Variants in PLEKHM3 observed in about 807,000 individuals in gnomAD.
The protein encoded by PLEKHM3 is pleckstrin homology domain-containing family M member 3.
PLEKHM3 carries 45 observed loss-of-function variants against 81.8 expected under a neutral mutation model. The ratio of observed to expected loss-of-function variants is 0.55; its 90% CI spans 0.43 to 0.71. The LOEUF (loss-of-function observed/expected upper bound fraction) is 0.71, where lower values mean the gene tolerates loss of function less well. Ranked by LOEUF, PLEKHM3 falls within the 30% of genes least tolerant of loss-of-function variation. PLEKHM3 has a pLI of 0.00. For missense variants in PLEKHM3, 788 were observed against 924.3 expected, an observed-to-expected ratio of 0.85 and a Z score of 1.91; for synonymous variants, 352 against 356.4, an observed-to-expected ratio of 0.99 and a Z score of 0.14.
chr2:207,848,032 C>T (rs2092393871), intron 7 of PLEKHM3, among the ~76,000 whole-genome samples: 1 of 152,168 alleles, frequency 6.6e-6, no homozygotes, highest in Non-Finnish European at 1.5e-5. Context: ...ATGTGTCAGG[C>T]TGATTAGGGA....
At chr2:207,982,189 T>TTTCC (rs1167996058) in intron 2 of PLEKHM3, among the ~76,000 whole-genome samples, 9 of 151,882 alleles carry the variant, frequency 5.9e-5, no homozygotes, top group African/African-American at 1.9e-4. Flanking sequence ...GATTTATTTA[T>TTTCC]TTCCTTCCTT....
chr2:207,848,719 T>G (rs1411458658), intron 7 of PLEKHM3, among the ~76,000 whole-genome samples: 1 of 152,124 alleles, frequency 6.6e-6, no homozygotes, highest in Admixed American at 6.5e-5. Context: ...CCCCAACAAG[T>G]TTAGGTCCTC....
At chr2:207,982,179 GATTT>G (rs1450834175) in intron 2 of PLEKHM3, among the ~76,000 whole-genome samples, 3 of 151,986 alleles carry the variant, frequency 2.0e-5, no homozygotes, top group South Asian at 2.1e-4. Flanking sequence ...GCCTGTTTGT[GATTT>G]ATTTATTTCC....
intron 3 of PLEKHM3, among the ~76,000 whole-genome samples, chr2:207,971,286 A>AG (rs1357374422): frequency 6.6e-6 from 1 of 152,244 alleles, no homozygotes; most frequent in African/African-American, 2.4e-5. Flanking sequence ...GCAAATAGGT[A>AG]GGTACAAATG....
At chr2:207,862,346 T>C (rs1248291718) in intron 6 of PLEKHM3, among the ~76,000 whole-genome samples, 2 of 152,124 alleles carry the variant, frequency 1.3e-5, no homozygotes, top group Non-Finnish European at 2.9e-5. Context: ...ACAAATAATA[T>C]CTGAGGGAGG....
At chr2:207,939,088 G>C (rs1483565302) in intron 4 of PLEKHM3, among the ~76,000 whole-genome samples, 1 of 152,140 alleles carries the variant, frequency 6.6e-6, no homozygotes, top group African/African-American at 2.4e-5. Context: ...GGCTCGGATT[G>C]CCTCACTCAC....
chr2:207,924,301 A>G (rs907398868), intron 5 of PLEKHM3, among the ~76,000 whole-genome samples: 1 of 152,250 alleles, frequency 6.6e-6, no homozygotes, highest in Non-Finnish European at 1.5e-5. Flanking sequence ...TGATCTCCTC[A>G]AGGAAGAGTG....
At chr2:207,964,824 T>C (rs538572001) in intron 3 of PLEKHM3, among the ~76,000 whole-genome samples, 2 of 152,320 alleles carry the variant, frequency 1.3e-5, no homozygotes, top group Admixed American at 1.3e-4. Context: ...TAAAGATGGA[T>C]AGCCATACAT....
intron 1 of PLEKHM3, among the ~76,000 whole-genome samples, chr2:208,006,858 T>C (rs1338674698): frequency 6.6e-6 from 1 of 152,192 alleles, no homozygotes; most frequent in African/African-American, 2.4e-5. Context: ...ATAAAAGAGC[T>C]CAACCCAAAG....
rs75226547 is a variant in PLEKHM3, at chr2:207,855,457, T to G, written c.2108+5648A>C. ...AGACAGATCTCCCATGTGGAAGGAT[T>G]CTAAATAACTGTATCCATACTTGGC... On this transcript the variant is annotated intron_variant, in intron 7 of 7. Transcript: ENST00000427836. 2.9e-3 allele frequency among the ~76,000 whole-genome samples: 440 copies of G among 152,246 alleles called. 3 individuals are homozygous for G. Among genetic ancestry groups the G allele is most frequent in the African/African-American group, 0.01 (419 of 41,542 alleles).
intron 6 of PLEKHM3, among the ~76,000 whole-genome samples, chr2:207,893,371 C>T (rs1171567324): frequency 6.6e-6 from 1 of 152,184 alleles, no homozygotes; most frequent in Non-Finnish European, 1.5e-5. Context: ...TGACCACTGA[C>T]TAAAAGCTGA....
intron 6 of PLEKHM3, among the ~76,000 whole-genome samples, chr2:207,864,804 T>C (rs1169297140): frequency 6.6e-6 from 1 of 152,252 alleles, no homozygotes; most frequent in Non-Finnish European, 1.5e-5. Flanking sequence ...ATCTGTATAA[T>C]ATTCAGTCTT....
chr2:208,008,511 A>AAAAAAAAAAAAAAAC, intron 1 of PLEKHM3, among the ~76,000 whole-genome samples: 1 of 148,188 alleles, frequency 6.7e-6, no homozygotes, highest in African/African-American at 2.5e-5. Flanking sequence ...CAAAAAAAAA[A>AAAAAAAAAAAAAAAC]AAAAAAAAAA....
intron 6 of PLEKHM3, among the ~76,000 whole-genome samples, chr2:207,882,215 C>T (rs1454566217): frequency 6.6e-6 from 1 of 152,166 alleles, no homozygotes; most frequent in Admixed American, 6.5e-5. Flanking sequence ...GCTACTTGAG[C>T]TTTTTTTCTT....
Position 207,997,718 on chromosome 2 carries a change from G to A in PLEKHM3, c.610+3312C>T, listed in dbSNP as rs1413809327. Among the ~76,000 whole-genome samples the A allele has an allele frequency of 4.6e-5, 7 of 152,106 alleles. 1 individual carries two copies. ...GACACTTTGAATTTGAGGTGCCTTT[G>A]GTACATTTCAACAAAAATGCTCACC... is the stretch of plus-strand genomic sequence containing the variant. On this transcript the variant is annotated intron_variant, in intron 2 of 7. Coordinates refer to ENST00000427836, the MANE Select transcript of PLEKHM3 (RefSeq NM_001080475.3).
At chr2:207,929,038 T>G (rs1468075877) in intron 5 of PLEKHM3, among the ~76,000 whole-genome samples, 1 of 152,238 alleles carries the variant, frequency 6.6e-6, no homozygotes, top group Non-Finnish European at 1.5e-5. Flanking sequence ...AAGTGACACT[T>G]AATATACATC....
intron 3 of PLEKHM3, among the ~76,000 whole-genome samples, chr2:207,968,845 C>T (rs532577919): frequency 5.5e-4 from 84 of 152,312 alleles, no homozygotes; most frequent in Non-Finnish European, 1.1e-3. Flanking sequence ...GACAATACAA[C>T]ATAAGAAGGC....
chr2:207,933,401 A>G (rs1448978086), intron 4 of PLEKHM3, among the ~76,000 whole-genome samples: 1 of 152,260 alleles, frequency 6.6e-6, no homozygotes, highest in African/African-American at 2.4e-5. Context: ...TGATATTTAA[A>G]TATCTTAAAA....
At chr2:207,861,327 A>G in intron 6 of PLEKHM3, 65 bp from the exon 7 acceptor site, 1 of 1,468,002 alleles carries the variant, frequency 6.8e-7, no homozygotes, top group East Asian at 2.4e-5. Context: ...TACACACAGG[A>G]AAGGAAAGGA....
Sources: allele counts gnomAD v4.1 joint callset (sites outside exome capture counted in the v4.1 genomes callset), GRCh38; gene constraint gnomAD v4.1.1; transcripts MANE v1.5; gene names NCBI Gene and HGNC (gene_info 2026-07-23, HGNC 2026-07-21).